EPS8L1: variants seen among roughly 807,000 people sequenced by gnomAD.
EPS8L1 encodes the protein epidermal growth factor receptor kinase substrate 8-like protein 1.
A neutral mutation model predicts 91.7 loss-of-function variants in EPS8L1; 101 were observed. The ratio of observed to expected loss-of-function variants is 1.10; its 90% confidence interval spans 0.94 to 1.30. EPS8L1 has a LOEUF of 1.30. EPS8L1 is among the 50% of genes most tolerant of loss of function. EPS8L1 has a pLI of 0.00. For synonymous variants in EPS8L1, 506 were observed against 445.3 expected (o/e 1.14, Z -1.72); for missense variants, 1,114 against 1,017.0 (o/e 1.10, Z -1.30).
chr19:55,077,997 T>G, intron 2 of EPS8L1, 91 bp from the exon 3 acceptor site: 1 of 986,286 alleles, frequency 1.0e-6, no homozygotes, highest in East Asian at 2.6e-5. Flanking sequence ...CCCCATTACC[T>G]TCGTCATGAA....
At chr19:55,086,635 G>GGCCCCCCCCCCCC in intron 17 of EPS8L1, 79 bp from the exon 18 acceptor site, 16 of 1,307,536 alleles carry the variant, frequency 1.2e-5, no homozygotes, top group East Asian at 2.5e-5. Context: ...ACGCTGGAGC[G>GGCCCCCCCCCCCC]CCCCCCCGCC....
chr19:55,086,604 G>A (rs1301384080), intron 17 of EPS8L1, 86 bp downstream of exon 17: 9 of 1,531,876 alleles, frequency 5.9e-6, no homozygotes, highest in Non-Finnish European at 7.9e-6. Flanking sequence ...AGAGCAAAGG[G>A]ACTCCCGTCC....
At position 55,083,992 on chromosome 19, in the gene EPS8L1, C is replaced by T. The variant is rs1412768997; in HGVS notation, c.1385+348C>T. 1.1e-5 allele frequency: 6 copies of T among 551,750 alleles called. No homozygotes were observed. The highest frequency in any genetic ancestry group is 7.6e-5 in the African/African-American group (4 of 52,898). 34.2% of individuals were successfully genotyped at this position (551,750 alleles called of 1,614,324 possible). A position where few individuals can be genotyped will look rare whatever the true frequency, so the allele number is the denominator to read the frequency against. On this transcript the variant is annotated intron_variant, in intron 14 of 19. Transcript: ENST00000201647. This position sits in a 1 kb window ranked among gnomAD's most constrained non-coding sequence, Gnocchi z 4.7. The stretch of plus-strand genomic sequence containing the variant: ...GTTTGTTTTCCCAGGGCCTGGGAAG[C>T]ACCATGCCTGGGCTCCCTAGGAGGA...
Position 55,078,140 on chromosome 19 carries a change from G to T in EPS8L1, c.58+12G>T. 6.2e-7 allele frequency: 1 copy of T among 1,612,942 alleles called. No homozygotes were observed. The highest frequency in any genetic ancestry group is 8.5e-7 in the Non-Finnish European group (1 of 1,179,470). ...CAAGTCTATCTATGGTGAGCGGGGG[G>T]CAAGGGAGCCCCAGGCCCATAGAAC... On this transcript the variant is annotated intron_variant, in intron 3 of 19. Coordinates refer to ENST00000201647, the MANE Select transcript of EPS8L1 (RefSeq NM_133180.3).
chr19:55,082,070 C>T (rs1319839848), intron 9 of EPS8L1, 22 bp from the exon 10 acceptor site: 6 of 1,564,802 alleles, frequency 3.8e-6, no homozygotes, highest in African/African-American at 2.7e-5. Flanking sequence ...TCCCCATCGC[C>T]GCGCCCGTCT....
chr19:55,082,917 G>A (rs1192675027), intron 12 of EPS8L1, among the ~76,000 whole-genome samples: 15 of 152,254 alleles, frequency 9.9e-5, no homozygotes. Context: ...GCTTCTGGAA[G>A]GTTTGGTCTA....
Position 55,087,791 on chromosome 19 carries a change from T to A in EPS8L1, c.*177T>A, listed in dbSNP as rs2076369099. ...CTTGCTGCAGTCCCTCCGGAGAGGA[T>A]CTGGACTGGCTGGGAGTGGGGAGGG... On this transcript the variant is annotated 3_prime_UTR_variant, in exon 20 of 20. Transcript: ENST00000201647. The A allele has an allele frequency of 1.5e-6, 1 of 684,740 alleles. No homozygotes were observed. Among genetic ancestry groups the A allele is most frequent in the African/African-American group, 1.8e-5 (1 of 56,284 alleles). The allele number at this position is 684,740 out of a possible 1,614,324, so 42.4% of individuals were successfully genotyped here.
rs747929174 is a variant in EPS8L1 at position 55,080,443 on chromosome 19, G to A, written c.429+165G>A. On this transcript the variant is annotated intron_variant, in intron 6 of 19. Transcript: ENST00000201647. ...GAAGGAAGTTCTGGAAGGCAGTGGG[G>A]TTTGAGATTGGACCCAGGGTCAAGA... 4.3e-6 allele frequency: 7 copies of A among 1,610,362 alleles called. No individual in the cohort carries two copies. The South Asian group carries it at 5.5e-5, about 13-fold the overall frequency.
Position 55,081,883 on chromosome 19 carries a change from G to A in EPS8L1, c.885G>A (p.Arg295=), listed in dbSNP as rs2076272410. 9 of 1,608,466 alleles carry A rather than the reference G, an allele frequency of 5.6e-6. No homozygotes were observed. The highest frequency in any genetic ancestry group is 7.6e-6 in the Non-Finnish European group (9 of 1,176,818). The change falls in exon 9 of 20, where the codon CGG becomes CGA. Residue 295 remains arginine (R), a synonymous_variant. Transcript: ENST00000201647. The surrounding 1 kb of genome is among the most constrained non-coding windows in gnomAD (Gnocchi z 4.9). ...LEHRERGRRS[R]RRAAGEGLLT... is the part of the protein sequence containing the mutation. The stretch of plus-strand genomic sequence containing the variant: ...ACCGGGAACGCGGCCGCAGGAGCCG[G>A]CGCCGGGCGGCTGGGGGTAAGGGGC...
At chr19:55,080,510 C>T in intron 6 of EPS8L1, 1 of 1,613,580 alleles carries the variant, frequency 6.2e-7, no homozygotes, top group South Asian at 1.1e-5. Flanking sequence ...AGAACATGGC[C>T]AAGAAGGATC....
intron 4 of EPS8L1, 76 bp downstream of exon 4, chr19:55,079,133 C>A (rs2076199775): frequency 6.9e-7 from 1 of 1,457,656 alleles, no homozygotes; most frequent in Non-Finnish European, 9.6e-7. Flanking sequence ...CTTTTGAAAG[C>A]AGCTAGGCCC....
intron 17 of EPS8L1, 41 bp downstream of exon 17, chr19:55,086,559 C>T: frequency 1.3e-6 from 2 of 1,544,232 alleles, no homozygotes; most frequent in Non-Finnish European, 8.8e-7. Context: ...CGGTCCTTAT[C>T]CTTGCTTTCC....
chr19:55,086,793 A>G lies in EPS8L1; in HGVS notation c.1857A>G (p.Ala619=). The G allele has an allele frequency of 6.2e-7, 1 of 1,604,426 alleles. No homozygotes were observed. Among genetic ancestry groups the G allele is most frequent in the Non-Finnish European group, 8.5e-7 (1 of 1,176,234 alleles). Reference sequence around the variant, plus strand: ...AGGGCCGCTCGGGACCGAGCCGCGCAGTCCCAGGGCCCCGCGCCCCGGAAC... The same window carrying G: ...AGGGCCGCTCGGGACCGAGCCGCGCGGTCCCAGGGCCCCGCGCCCCGGAAC... ...LAQGRSGPSR[A]VPGPRAPEPQ... is the part of the protein sequence containing the mutation. Residue 619 remains alanine (A), a synonymous_variant, in exon 18 of 20, where the codon GCA becomes GCG. Coordinates refer to ENST00000201647, the MANE Select transcript of EPS8L1 (RefSeq NM_133180.3).
At chr19:55,084,558 T>A (rs1170496297) in intron 14 of EPS8L1, 1 of 151,600 alleles carries the variant, frequency 6.6e-6, no homozygotes, top group Middle Eastern at 3.1e-3. Context: ...GAGCAGAGGG[T>A]CTCAGCAGGG....
intron 14 of EPS8L1, chr19:55,084,103 T>A: frequency 1.2e-5 from 3 of 259,678 alleles, no homozygotes; most frequent in African/African-American, 2.3e-5. Flanking sequence ...CTTGGGATCC[T>A]GGAGACCCAG....
chr19:55,081,467 C>A lies in EPS8L1; in HGVS notation c.749C>A (p.Ala250Glu), dbSNP rs1376890222. ...CTGGGTCCCCGGGGTCCTGACCTGG[C>A]GGTTCTGCAGGCGGAGCGGGAAGTG... ...PDLGPRGPDL[A>E]VLQAEREVDI... Residue 250 changes from alanine (A) to glutamate (E), a missense_variant, in exon 8 of 20, where the codon GCG (alanine) becomes GAG (glutamate). Ala to Glu is a moderately radical substitution (Grantham distance 107). Transcript: ENST00000201647. The surrounding 1 kb of genome is among the most constrained non-coding windows in gnomAD (Gnocchi z 4.9). 3.8e-6 allele frequency: 6 copies of A among 1,592,540 alleles called. No individual in the cohort carries two copies. In the East Asian group the frequency reaches 9.0e-5, roughly 24 times the overall value.
chr19:55,078,988 T>TC lies in EPS8L1; in HGVS notation c.59-7dup, dbSNP rs2076195481. ...TGGACTCCCAGGCTCATTCTCTTTC[T>TC]CCCCTGGCAGAGCAGAGGAAGCGTT... is the stretch of plus-strand genomic sequence containing the variant. On this transcript the variant is annotated splice_polypyrimidine_tract_variant and intron_variant, in intron 3 of 19. Coordinates refer to ENST00000201647, the MANE Select transcript of EPS8L1 (RefSeq NM_133180.3). The TC allele has an allele frequency of 2.5e-6, 4 of 1,613,590 alleles. No homozygotes were observed. The highest frequency in any genetic ancestry group is 3.4e-6 in the Non-Finnish European group (4 of 1,179,874).
rs760978084 is a variant in EPS8L1 at position 55,082,468 on chromosome 19, G to C, written c.1080G>C (p.Ser360=). 1 of 1,611,728 alleles carries C rather than the reference G, an allele frequency of 6.2e-7. No individual in the cohort carries two copies. The highest frequency in any genetic ancestry group is 8.5e-7 in the Non-Finnish European group (1 of 1,179,302). ...FGPLQMIVNT[S]GGPEFASSVR... is the part of the protein sequence containing the mutation. Reference sequence around the variant, plus strand: ...TCCCCTGACAGATTGTGAACACGTCGGGGGGGCCGGAGTTCGCGAGCAGTG... The same window carrying C: ...TCCCCTGACAGATTGTGAACACGTCCGGGGGGCCGGAGTTCGCGAGCAGTG... The change falls in exon 12 of 20, where the codon TCG becomes TCC. Residue 360 remains serine, a synonymous_variant. Transcript: ENST00000201647.
intron 18 of EPS8L1, 29 bp downstream of exon 18, chr19:55,086,917 G>A (rs1310599671): frequency 7.8e-6 from 11 of 1,408,120 alleles, no homozygotes; most frequent in Non-Finnish European, 1.0e-5. Context: ...CTCTCGGCGC[G>A]GGTTGATACG....
Sources: allele counts gnomAD v4.1 joint callset (sites outside exome capture counted in the v4.1 genomes callset), GRCh38; gene constraint gnomAD v4.1.1; non-coding constraint Gnocchi (gnomAD v3.1); transcripts MANE v1.5; gene names NCBI Gene and HGNC (gene_info 2026-07-23, HGNC 2026-07-21).